LRIG2: variants seen among roughly 807,000 people sequenced by gnomAD.
LRIG2 encodes leucine rich repeats and immunoglobulin like domains 2, also known as leucine-rich repeats and immunoglobulin-like domains protein 2.
Under a neutral mutation model 107.8 loss-of-function variants are expected in LRIG2, and 93 were observed. The ratio of observed to expected loss-of-function variants is 0.86; its 90% CI spans 0.73 to 1.03. LRIG2 has a LOEUF of 1.03. Among genes scored for constraint, LRIG2 ranks in the 50% least tolerant of loss-of-function variants. The pLI is 0.00. For synonymous variants in LRIG2, 471 were observed against 470.6 expected (o/e 1.00, Z -0.01); for missense variants, 1,226 against 1,296.0 (o/e 0.95, Z 0.83).
chr1:113,107,168 A>G (rs1259440556), intron 11 of LRIG2, among the ~76,000 whole-genome samples: 1 of 152,126 alleles, frequency 6.6e-6, no homozygotes, highest in Non-Finnish European at 1.5e-5. Flanking sequence ...CTCAGCATGT[A>G]TTTTTTAAGA....
intron 16 of LRIG2, among the ~76,000 whole-genome samples, chr1:113,116,747 G>A (rs868798319): frequency 2.0e-5 from 3 of 152,132 alleles, no homozygotes; most frequent in South Asian, 2.1e-4. Flanking sequence ...CTTTTCAGGC[G>A]TGGGCATCCT....
chr1:113,116,193 T>C, intron 15 of LRIG2, 94 bp from the exon 16 acceptor site: 1 of 1,046,300 alleles, frequency 9.6e-7, no homozygotes, highest in Non-Finnish European at 1.4e-6. Flanking sequence ...TTTTTCTTGC[T>C]AATAGTATCA....
At chr1:113,096,068 G>C in intron 7 of LRIG2, 51 bp downstream of exon 7, 1 of 1,608,202 alleles carries the variant, frequency 6.2e-7, no homozygotes, top group East Asian at 2.2e-5. Flanking sequence ...AGAGCAGATT[G>C]GAATAAATCA....
At position 113,096,207 on chromosome 1, in the gene LRIG2, A is replaced by T. The variant is rs749128674; in HGVS notation, c.948-15A>T. The T allele has an allele frequency of 6.2e-7, 1 of 1,609,952 alleles. No individual in the cohort carries two copies. The highest frequency in any genetic ancestry group is 1.1e-5 in the South Asian group (1 of 89,858). ...ATACAATGAATTCCTTACCTTCCACATTTCTTGTTTTCAGTGATTTGTCCT... is the reference window on the plus strand; with the variant it reads ...ATACAATGAATTCCTTACCTTCCACTTTTCTTGTTTTCAGTGATTTGTCCT... On this transcript the variant is annotated splice_polypyrimidine_tract_variant and intron_variant, in intron 7 of 17. Coordinates refer to ENST00000361127, the MANE Select transcript of LRIG2 (RefSeq NM_014813.3).
Position 113,073,379 on chromosome 1 carries a change from C to T in LRIG2, c.-28C>T, listed in dbSNP as rs1347303924. 2.5e-6 allele frequency: 4 copies of T among 1,588,534 alleles called. No individual in the cohort carries two copies. The highest frequency in any genetic ancestry group is 3.5e-6 in the Non-Finnish European group (4 of 1,158,710). ...CCTCCTTTTCTAGCAGGCAGCTCTT[C>T]TAGGCCACGTCCAGGTCGAGGGGGA... On this transcript the variant is annotated 5_prime_UTR_variant, in exon 1 of 18. Coordinates refer to ENST00000361127, the MANE Select transcript of LRIG2 (RefSeq NM_014813.3).
chr1:113,084,377 G>A (rs1490726136), intron 1 of LRIG2, among the ~76,000 whole-genome samples: 1 of 151,696 alleles, frequency 6.6e-6, no homozygotes, highest in African/African-American at 2.4e-5. Context: ...CACCATGCCC[G>A]GCTGATTTTT....
chr1:113,115,386 A>AT (rs1321999946), intron 15 of LRIG2, among the ~76,000 whole-genome samples: 3 of 151,864 alleles, frequency 2.0e-5, no homozygotes, highest in Non-Finnish European at 4.4e-5. Flanking sequence ...AAGTTTTTAT[A>AT]TTTTTAGTAG....
chr1:113,091,231 CT>C (rs760849693), intron 1 of LRIG2, 86 bp from the exon 2 acceptor site: 997 of 897,284 alleles, frequency 1.1e-3, no homozygotes, highest in Non-Finnish European at 1.6e-3. Context: ...GCCAAGAGGA[CT>C]TTTTGTATTT....
Position 113,114,437 on chromosome 1 carries a change from A to G in LRIG2, c.2091A>G (p.Ser697=). The G allele has an allele frequency of 6.4e-7, 1 of 1,573,926 alleles. No homozygotes were observed. The highest frequency in any genetic ancestry group is 8.6e-7 in the Non-Finnish European group (1 of 1,161,516). ...ATGTTTTCCTGTTAGAGACACCCTC[A>G]TTTATTAGACCCCTGGAGGATAAGA... ...NASLTVLETP[S]FIRPLEDKTV... The change falls in exon 15 of 18, where the codon TCA becomes TCG. Residue 697 remains serine (S), a synonymous_variant. Transcript: ENST00000361127.
In LRIG2 at chr1:113,094,768, G is replaced by A. The variant is rs1653977497; in HGVS notation, c.803+13G>A. ...ACATGGAAGAACTGTAAGTACTCGGGACTAGAGGTGATTATTAGGAAAGTA... is the reference window on the plus strand; with the variant it reads ...ACATGGAAGAACTGTAAGTACTCGGAACTAGAGGTGATTATTAGGAAAGTA... On this transcript the variant is annotated intron_variant, in intron 6 of 17. Coordinates refer to ENST00000361127, the MANE Select transcript of LRIG2 (RefSeq NM_014813.3). 1.2e-6 allele frequency: 2 copies of A among 1,606,518 alleles called. No homozygotes were observed. The highest frequency in any genetic ancestry group is 1.1e-5 in the South Asian group (1 of 90,576).
At chr1:113,108,244 A>G (rs951151698) in intron 12 of LRIG2, among the ~76,000 whole-genome samples, 1 of 139,440 alleles carries the variant, frequency 7.2e-6, no homozygotes, top group Non-Finnish European at 1.5e-5. Flanking sequence ...TTTTTTTTCT[A>G]ATGGAGTCTT....
chr1:113,123,696 G>A (rs984357434), intron 17 of LRIG2, among the ~76,000 whole-genome samples, 179 bp from the exon 18 acceptor site: 16 of 150,324 alleles, frequency 1.1e-4, no homozygotes, highest in Admixed American at 3.3e-4. Context: ...GAAGTAGAGG[G>A]ATTTGAAAGA....
chr1:113,104,971 C>A (rs1385613515), intron 11 of LRIG2, among the ~76,000 whole-genome samples: 2 of 151,992 alleles, frequency 1.3e-5, no homozygotes, highest in Non-Finnish European at 2.9e-5. Flanking sequence ...TATGGTGAAA[C>A]CCTGTCTCTA....
At chr1:113,090,664 C>T (rs1241189230) in intron 1 of LRIG2, among the ~76,000 whole-genome samples, 4 of 151,094 alleles carry the variant, frequency 2.6e-5, no homozygotes, top group South Asian at 4.2e-4. Flanking sequence ...GGTGAAACCC[C>T]GTCTCTACTA....
intron 11 of LRIG2, among the ~76,000 whole-genome samples, chr1:113,106,387 T>G (rs1006332541): frequency 6.6e-6 from 1 of 152,136 alleles, no homozygotes; most frequent in Non-Finnish European, 1.5e-5. Flanking sequence ...ATTTAAGGGG[T>G]CATTGAGAGA....
At chr1:113,119,954 C>G (rs1159364286) in intron 17 of LRIG2, among the ~76,000 whole-genome samples, 2 of 151,932 alleles carry the variant, frequency 1.3e-5, no homozygotes, top group East Asian at 4.0e-4. Context: ...GGACTACAGG[C>G]GTGCACCACC....
At chr1:113,095,618 A>G (rs1654027526) in intron 6 of LRIG2, among the ~76,000 whole-genome samples, 1 of 151,880 alleles carries the variant, frequency 6.6e-6, no homozygotes, top group Non-Finnish European at 1.5e-5. Context: ...CATGTTGGTC[A>G]GGGTGGTCTT....
intron 16 of LRIG2, among the ~76,000 whole-genome samples, chr1:113,118,645 C>T: frequency 6.6e-6 from 1 of 152,090 alleles, no homozygotes; most frequent in African/African-American, 2.4e-5. Context: ...TGTTTCTGCT[C>T]CTCACTCTGG....
At chr1:113,110,104 C>A in intron 12 of LRIG2, 138 bp from the exon 13 acceptor site, 2 of 617,776 alleles carry the variant, frequency 3.2e-6, no homozygotes, top group Non-Finnish European at 5.5e-6. Flanking sequence ...GGGAATTGGA[C>A]TGTAGCTCTG....
Sources: allele counts gnomAD v4.1 joint callset (sites outside exome capture counted in the v4.1 genomes callset), GRCh38; gene constraint gnomAD v4.1.1; transcripts MANE v1.5; gene names NCBI Gene and HGNC (gene_info 2026-07-23, HGNC 2026-07-21).